BANK1: variants seen among roughly 807,000 people sequenced by gnomAD.
BANK1 encodes B-cell scaffold protein with ankyrin repeats.
BANK1 carries 95 observed loss-of-function variants against 94.5 expected under a neutral mutation model. The ratio of observed to expected loss-of-function variants is 1.00; its 90% confidence interval spans 0.85 to 1.19. BANK1 has a LOEUF of 1.19. Among genes scored for constraint, BANK1 ranks in the 50% most tolerant of loss-of-function variants. BANK1 has a pLI of 0.00. For synonymous variants in BANK1, 334 were observed against 308.4 expected (o/e 1.08, Z -0.87); for missense variants, 987 against 932.2 (o/e 1.06, Z -0.77).
At chr4:101,949,050 C>G (rs929396248) in intron 7 of BANK1, among the ~76,000 whole-genome samples, 14 of 151,994 alleles carry the variant, frequency 9.2e-5, no homozygotes, top group Non-Finnish European at 1.5e-4. Context: ...TGGTCCTGGT[C>G]CTGTCGCTGA....
At chr4:101,924,386 T>C (rs1723089941) in intron 7 of BANK1, among the ~76,000 whole-genome samples, 1 of 151,848 alleles carries the variant, frequency 6.6e-6, no homozygotes, top group Non-Finnish European at 1.5e-5. Context: ...TTTTGCTATG[T>C]AATAAATGAT....
chr4:101,975,960 T>C (rs1047160207), intron 7 of BANK1, among the ~76,000 whole-genome samples: 7 of 152,178 alleles, frequency 4.6e-5, no homozygotes, highest in African/African-American at 1.7e-4. Context: ...TCTTTTAGAC[T>C]CTCAAAGGTC....
At chr4:101,941,889 A>G (rs1031264923) in intron 7 of BANK1, among the ~76,000 whole-genome samples, 1 of 151,660 alleles carries the variant, frequency 6.6e-6, no homozygotes, top group Non-Finnish European at 1.5e-5. Flanking sequence ...TGTTGTTTTT[A>G]TTACTGACCC....
At chr4:101,975,616 G>T (rs1725097702) in intron 7 of BANK1, among the ~76,000 whole-genome samples, 1 of 152,124 alleles carries the variant, frequency 6.6e-6, no homozygotes, top group African/African-American at 2.4e-5. Flanking sequence ...TAAGATTATT[G>T]CAAGGACTAA....
intron 7 of BANK1, among the ~76,000 whole-genome samples, chr4:102,008,245 C>T (rs569976943): frequency 4.3e-4 from 66 of 152,306 alleles, no homozygotes; most frequent in African/African-American, 1.5e-3. Context: ...GACAAACCAA[C>T]ATCTCTTCAT....
chr4:101,943,677 G>C (rs1384670766), intron 7 of BANK1, among the ~76,000 whole-genome samples: 1 of 151,862 alleles, frequency 6.6e-6, no homozygotes, highest in African/African-American at 2.4e-5. Context: ...GTTCTGGGCT[G>C]CAAGTAGAGG....
intron 5 of BANK1, among the ~76,000 whole-genome samples, chr4:101,875,164 A>G (rs1199850066): frequency 1.3e-5 from 2 of 152,070 alleles, no homozygotes; most frequent in African/African-American, 4.8e-5. Context: ...ATCTTGAGTC[A>G]ACAATGCCAA....
intron 1 of BANK1, among the ~76,000 whole-genome samples, chr4:101,817,766 A>C (rs1725972285): frequency 1.3e-5 from 2 of 152,302 alleles, no homozygotes; most frequent in South Asian, 4.1e-4. Context: ...GTGCAACCTG[A>C]GACCCAGGAT....
intron 11 of BANK1, among the ~76,000 whole-genome samples, chr4:102,044,360 C>A (rs1172420972): frequency 6.6e-6 from 1 of 152,216 alleles, no homozygotes; most frequent in African/African-American, 2.4e-5. Flanking sequence ...AGGATATGAA[C>A]TCATCATTTT....
rs55704915 is a variant in BANK1 at position 101,803,997 on chromosome 4, CAAAAAAAAAAAAA to C, written c.70+13063_70+13075del. Among the ~76,000 whole-genome samples the C allele has an allele frequency of 7.2e-4, 49 of 68,390 alleles. 2 individuals are homozygous for C. The East Asian group carries it at 0.02, about 28-fold the overall frequency. The allele number at this position is 68,390 out of a possible 152,430, so 44.9% of individuals were successfully genotyped here. A position where few individuals can be genotyped will look rare whatever the true frequency, so the allele number is the denominator to read the frequency against. ...TGGGCGACAGAGCGAGACTCCGTCT[CAAAAAAAAAAAAA>C]AAAAAAAAAAAAAAAGAAATATATA... On this transcript the variant is annotated intron_variant, in intron 1 of 16. Transcript: ENST00000322953.
intron 10 of BANK1, among the ~76,000 whole-genome samples, chr4:102,037,629 A>G (rs994682844): frequency 1.1e-4 from 17 of 152,244 alleles, no homozygotes; most frequent in African/African-American, 3.6e-4. Flanking sequence ...AGGATTATGA[A>G]GCCAGATGGA....
intron 11 of BANK1, among the ~76,000 whole-genome samples, chr4:102,047,112 T>TAACA (rs1727903078): frequency 6.6e-6 from 1 of 152,138 alleles, no homozygotes; most frequent in African/African-American, 2.4e-5. Flanking sequence ...CACCAAATTC[T>TAACA]AACACCCACT....
At chr4:102,052,531 G>C (rs536361013) in intron 11 of BANK1, among the ~76,000 whole-genome samples, 1 of 152,038 alleles carries the variant, frequency 6.6e-6, no homozygotes, top group African/African-American at 2.4e-5. Flanking sequence ...TTCTGTTAAT[G>C]ATTTATTTAT....
intron 7 of BANK1, among the ~76,000 whole-genome samples, chr4:101,949,912 A>G (rs531717523): frequency 6.6e-6 from 1 of 152,276 alleles, no homozygotes; most frequent in South Asian, 2.1e-4. Flanking sequence ...TATAACCCAT[A>G]GGAGAAGCCT....
chr4:102,008,459 A>G (rs1051077833), intron 7 of BANK1, among the ~76,000 whole-genome samples: 1 of 152,236 alleles, frequency 6.6e-6, no homozygotes, highest in African/African-American at 2.4e-5. Context: ...TAGCACATAT[A>G]TCTTAGAAAG....
chr4:102,070,849 C>T (rs1728733528), intron 13 of BANK1, among the ~76,000 whole-genome samples: 1 of 152,062 alleles, frequency 6.6e-6, no homozygotes, highest in South Asian at 2.1e-4. Flanking sequence ...GGTCTCTATC[C>T]TAATTAAGTT....
At chr4:101,938,217 T>G (rs550592116) in intron 7 of BANK1, among the ~76,000 whole-genome samples, 1 of 151,432 alleles carries the variant, frequency 6.6e-6, no homozygotes, top group African/African-American at 2.4e-5. Context: ...TGCACACGTA[T>G]CCCAGAGTTT....
chr4:102,022,623 T>C (rs1222502076), intron 8 of BANK1, among the ~76,000 whole-genome samples: 2 of 152,186 alleles, frequency 1.3e-5, no homozygotes, highest in African/African-American at 4.8e-5. Context: ...TGGGTAGAGA[T>C]AGAAGGACTG....
chr4:101,805,657 A>G (rs1469478618), intron 1 of BANK1, among the ~76,000 whole-genome samples: 1 of 150,442 alleles, frequency 6.6e-6, no homozygotes. Context: ...ATAAGTTTGT[A>G]TATTATTTAT....
Sources: gnomAD v4.1 joint callset for allele counts (sites outside exome capture counted in the v4.1 genomes callset) on GRCh38, gnomAD v4.1.1 for gene constraint, MANE v1.5 for transcripts, NCBI Gene and HGNC (gene_info 2026-07-23, HGNC 2026-07-21) for gene names.